EPC1: variants seen among roughly 807,000 people sequenced by gnomAD.
EPC1 encodes enhancer of polycomb 1.
A neutral mutation model predicts 98.4 loss-of-function variants in EPC1; 12 were observed. The ratio of observed to expected loss-of-function variants is 0.12; its 90% CI spans 0.08 to 0.20. The LOEUF is 0.20. EPC1 is among the 10% of genes least tolerant of loss of function. EPC1 has a pLI of 1.00. For synonymous variants in EPC1, 357 were observed against 363.9 expected (o/e 0.98, Z 0.21); for missense variants, 729 against 990.5 (o/e 0.74, Z 3.54).
intron 1 of EPC1, among the ~76,000 whole-genome samples, chr10:32,333,503 A>G (rs1837765704): frequency 6.6e-6 from 1 of 152,210 alleles, no homozygotes; most frequent in South Asian, 2.1e-4. Context: ...CTTGAAGAGC[A>G]AGGACTTGAT....
At position 32,272,123 on chromosome 10, in the gene EPC1, A is replaced by G. The variant is rs1835878299; in HGVS notation, c.1908T>C (p.Ala636=). 6.2e-7 allele frequency: 1 copy of G among 1,613,778 alleles called. No homozygotes were observed. Among genetic ancestry groups the G allele is most frequent in the African/African-American group, 1.3e-5 (1 of 74,922 alleles). ...GTTCTGATGTCACCAAAGCAGAAGCAGCAAACTGTGCACTAGCAGAATCCA... is the reference window on the plus strand; with the variant it reads ...GTTCTGATGTCACCAAAGCAGAAGCGGCAAACTGTGCACTAGCAGAATCCA... ...KTLDSASAQF[A]ASALVTSEQL... Residue 636 remains alanine (A), a synonymous_variant, in exon 12 of 14, where the codon GCT becomes GCC. Coordinates refer to ENST00000319778, the MANE Select transcript of EPC1 (RefSeq NM_001272004.3).
chr10:32,287,402 C>T, intron 6 of EPC1, 128 bp from the exon 7 acceptor site: 4 of 910,058 alleles, frequency 4.4e-6, no homozygotes, highest in Non-Finnish European at 6.6e-6. Context: ...AGACACAACA[C>T]TCTATGTTTG....
rs41289029 is a variant in EPC1 at position 32,305,860 on chromosome 10, C to G, written c.225G>C (p.Pro75=). 1.2e-6 allele frequency: 2 copies of G among 1,613,122 alleles called. No individual in the cohort carries two copies. The highest frequency in any genetic ancestry group is 8.5e-7 in the Non-Finnish European group (1 of 1,179,566). ...YGEKRDNMVI[P]VPEAESNIAY... ...CAATATTACTTTCTGCCTCTGGGACCGGTATAACCATATTATCCCTCTTCT... is the reference window on the plus strand; with the variant it reads ...CAATATTACTTTCTGCCTCTGGGACGGGTATAACCATATTATCCCTCTTCT... Residue 75 remains proline, a synonymous_variant, in exon 2 of 14, where the codon CCG becomes CCC. Transcript: ENST00000319778.
chr10:32,290,987 G>C (rs746187594), intron 6 of EPC1, among the ~76,000 whole-genome samples, 176 bp downstream of exon 6: 1 of 152,076 alleles, frequency 6.6e-6, no homozygotes, highest in African/African-American at 2.4e-5. Context: ...ATGTTGGTCA[G>C]GCTGGTCCCG....
chr10:32,343,334 C>T (rs1838497639), intron 1 of EPC1, among the ~76,000 whole-genome samples: 1 of 152,176 alleles, frequency 6.6e-6, no homozygotes, highest in South Asian at 2.1e-4. Context: ...CCTCAGCCTC[C>T]CGAATAGCTG....
At chr10:32,319,130 C>T (rs1836731576) in intron 1 of EPC1, among the ~76,000 whole-genome samples, 1 of 152,094 alleles carries the variant, frequency 6.6e-6, no homozygotes, top group Admixed American at 6.6e-5. Context: ...GGATGTCTAC[C>T]CCGCTTTTGG....
In EPC1 at chr10:32,268,743, G is replaced by A. The variant is rs1287198308; in HGVS notation, c.*320C>T. 6.7e-6 allele frequency: 1 copy of A among 148,674 alleles called. No individual in the cohort carries two copies. Among genetic ancestry groups the A allele is most frequent in the Non-Finnish European group, 1.5e-5 (1 of 67,498 alleles). 9.2% of individuals were successfully genotyped at this position (148,674 alleles called of 1,614,324 possible). A position where few individuals can be genotyped will look rare whatever the true frequency, so the allele number is the denominator to read the frequency against. On this transcript the variant is annotated 3_prime_UTR_variant, in exon 14 of 14. Coordinates refer to ENST00000319778, the MANE Select transcript of EPC1 (RefSeq NM_001272004.3). ...ACATCTCACACTCTTTGTTGCAATTGATTTCCCTCCCACCCCCCACCCCCA... is the reference window on the plus strand; with the variant it reads ...ACATCTCACACTCTTTGTTGCAATTAATTTCCCTCCCACCCCCCACCCCCA...
At position 32,270,543 on chromosome 10, in the gene EPC1, C is replaced by T. The variant is rs113700905; in HGVS notation, c.2369+1011G>A. ...CTTTACATTAATAAGAATAGCTTAA[C>T]GCCGGGCGTGGTGGCTCATGCCTGT... On this transcript the variant is annotated intron_variant, in intron 13 of 13. Transcript: ENST00000319778. Among the ~76,000 whole-genome samples, 97 of 152,176 alleles carry T rather than the reference C, an allele frequency of 6.4e-4. No homozygotes were observed. In the South Asian group the frequency reaches 8.1e-3, roughly 13 times the overall value.
intron 1 of EPC1, among the ~76,000 whole-genome samples, chr10:32,356,967 C>A (rs540110491): frequency 9.2e-5 from 14 of 152,074 alleles, no homozygotes; most frequent in South Asian, 6.2e-4. Flanking sequence ...GGCGAGGGAG[C>A]GAGACTCCGC....
intron 2 of EPC1, among the ~76,000 whole-genome samples, chr10:32,294,568 C>T (rs1194055568): frequency 2.0e-5 from 3 of 152,284 alleles, no homozygotes; most frequent in African/African-American, 7.2e-5. Context: ...GCAGCTGTCA[C>T]TCGGTGAGTA....
Position 32,286,999 on chromosome 10 carries a change from G to A in EPC1, c.1169C>T (p.Ser390Leu), listed in dbSNP as rs749963073. ...AGGATCATTGTCTTCCTCAGCTTCC[G>A]AAGAGCCAGACAAAACCTTTAAATG... ...EPLSQVLSGS[S>L]EAEEDNDPDG... Residue 390 changes from serine to leucine, a missense_variant, in exon 8 of 14, where the codon TCG (serine) becomes TTG (leucine). Around this residue, in one of 6 missense-constraint regions of EPC1, gnomAD observed 390 missense variants for 438.6 expected, o/e 0.89. Coordinates refer to ENST00000319778, the MANE Select transcript of EPC1 (RefSeq NM_001272004.3). 6 of 1,613,894 alleles carry A rather than the reference G, an allele frequency of 3.7e-6. No individual in the cohort carries two copies. The highest frequency in any genetic ancestry group is 1.7e-5 in the Admixed American group (1 of 59,960).
chr10:32,324,423 C>T (rs1326588690), intron 1 of EPC1, among the ~76,000 whole-genome samples: 1 of 150,754 alleles, frequency 6.6e-6, no homozygotes, highest in Admixed American at 6.6e-5. Flanking sequence ...CCCAGCTACT[C>T]AGGAGGCTGA....
At chr10:32,369,617 C>A (rs1042014600) in intron 1 of EPC1, among the ~76,000 whole-genome samples, 1 of 152,032 alleles carries the variant, frequency 6.6e-6, no homozygotes, top group Non-Finnish European at 1.5e-5. Flanking sequence ...TATTTTAACT[C>A]CAGAAAGATT....
At chr10:32,345,301 AGATTT>A in intron 1 of EPC1, 1 of 985,480 alleles carries the variant, frequency 1.0e-6, no homozygotes, top group Non-Finnish European at 1.2e-6. Flanking sequence ...CTGTAAAGTT[AGATTT>A]AAGACACTAC....
chr10:32,324,393 T>C (rs1314902715), intron 1 of EPC1, among the ~76,000 whole-genome samples: 2 of 151,018 alleles, frequency 1.3e-5, no homozygotes, highest in Non-Finnish European at 2.9e-5. Flanking sequence ...CGTCTCTGCG[T>C]GGTGGCGGGT....
chr10:32,298,064 TG>T lies in EPC1; in HGVS notation c.314-4328del, dbSNP rs1450677938. Among the ~76,000 whole-genome samples the T allele has an allele frequency of 1.2e-4, 19 of 152,302 alleles. No homozygotes were observed. The East Asian group carries it at 2.9e-3, about 23-fold the overall frequency. On this transcript the variant is annotated intron_variant, in intron 2 of 13. Transcript: ENST00000319778. Reference sequence around the variant, plus strand: ...TGCCCACCTCGGCCTCCCAAAGGGCTGGGATTACAGGCGTGAGCCACCGCGC... The same window carrying T: ...TGCCCACCTCGGCCTCCCAAAGGGCTGGATTACAGGCGTGAGCCACCGCGC...
chr10:32,276,397 A>T (rs1229491843), intron 10 of EPC1, among the ~76,000 whole-genome samples: 1 of 152,212 alleles, frequency 6.6e-6, no homozygotes, highest in Non-Finnish European at 1.5e-5. Flanking sequence ...CTGTAATCCC[A>T]GCTACTCGGG....
chr10:32,353,173 G>GC (rs928547669), intron 1 of EPC1, among the ~76,000 whole-genome samples: 13 of 144,372 alleles, frequency 9.0e-5, no homozygotes, highest in African/African-American at 3.4e-4. Flanking sequence ...AAAAAAAAAA[G>GC]CAAAAAAAGA....
chr10:32,367,285 C>G (rs1197859679), intron 1 of EPC1, among the ~76,000 whole-genome samples: 1 of 152,224 alleles, frequency 6.6e-6, no homozygotes, highest in Non-Finnish European at 1.5e-5. Flanking sequence ...GCCACCACAC[C>G]CAGCCTTTCG....
Sources: gnomAD v4.1 joint callset for allele counts (sites outside exome capture counted in the v4.1 genomes callset) on GRCh38, gnomAD v4.1.1 for gene constraint, gnomAD v4.1.1 regional missense constraint, MANE v1.5 for transcripts, NCBI Gene and HGNC (gene_info 2026-07-23, HGNC 2026-07-21) for gene names.